The following DNAI1 variants were observed in gnomAD, a reference collection of about 807,000 sequenced individuals.
DNAI1 encodes dynein axonemal intermediate chain 1, also known as dynein, axonemal, intermediate polypeptide 1.
In DNAI1, 67 loss-of-function variants were observed where a neutral mutation model predicts 92.0. That is an observed-to-expected ratio of 0.73 (90% CI 0.60 to 0.89). The LOEUF (loss-of-function observed/expected upper bound fraction) is 0.89. DNAI1 is among the 40% of genes least tolerant of loss of function. The pLI is 0.00. For missense variants in DNAI1, 839 were observed against 866.6 expected (o/e 0.97, Z 0.40); for synonymous variants, 323 against 319.6 (o/e 1.01, Z -0.11).
At chr9:34,493,445 A>G in intron 9 of DNAI1, 117 bp downstream of exon 9, 1 of 1,384,916 alleles carries the variant, frequency 7.2e-7, no homozygotes, top group Non-Finnish European at 1.0e-6. Flanking sequence ...TCAGGGACTA[A>G]TGTTGAGATA....
At chr9:34,479,832 C>A (rs1824315874) in intron 1 of DNAI1, among the ~76,000 whole-genome samples, 1 of 152,198 alleles carries the variant, frequency 6.6e-6, no homozygotes, top group African/African-American at 2.4e-5. Context: ...CTATCAGCAA[C>A]AATCCCAGCC....
intron 4 of DNAI1, chr9:34,488,468 T>C (rs1333984133): frequency 6.5e-6 from 1 of 153,050 alleles, no homozygotes; most frequent in African/African-American, 2.4e-5. Context: ...CTGGACCCCA[T>C]GAACTGGTTT....
At chr9:34,512,031 G>T (rs1186344777) in intron 13 of DNAI1, 78 bp from the exon 14 acceptor site, 2 of 1,409,738 alleles carry the variant, frequency 1.4e-6, no homozygotes, top group Non-Finnish European at 2.0e-6. Context: ...ATGGGTGCTT[G>T]GGGGAGCCCT....
At chr9:34,479,012 A>G (rs1047082248) in intron 1 of DNAI1, 2 of 152,306 alleles carry the variant, frequency 1.3e-5, no homozygotes, top group African/African-American at 2.4e-5. Context: ...GAAAAGTTAG[A>G]TAAAGGACTA....
At chr9:34,461,443 A>G (rs189878009) in intron 1 of DNAI1, among the ~76,000 whole-genome samples, 139 of 152,346 alleles carry the variant, frequency 9.1e-4, no homozygotes, top group African/African-American at 3.1e-3. Flanking sequence ...CCTGTGCCTC[A>G]TCCCACCTCC....
At position 34,506,752 on chromosome 9, in the gene DNAI1, T is replaced by G; in HGVS notation, c.1189T>G (p.Tyr397Asp). The G allele has an allele frequency of 6.2e-7, 1 of 1,614,180 alleles. No individual in the cohort carries two copies. Among genetic ancestry groups the G allele is most frequent in the South Asian group, 1.1e-5 (1 of 91,090 alleles). The change falls in exon 13 of 20, where the codon TAC (tyrosine) becomes GAC (aspartate). Residue 397 changes from tyrosine (Y) to aspartate (D), a missense_variant. Physicochemically the swap from Tyr to Asp is radical, Grantham distance 160 (BLOSUM62 -3). Coordinates refer to ENST00000242317, the MANE Select transcript of DNAI1 (RefSeq NM_012144.4). Reference protein sequence around the residue: ...MCLDIHVDHPYLVAVGHYDGN... With the variant: ...MCLDIHVDHPDLVAVGHYDGN... The stretch of plus-strand genomic sequence containing the variant: ...TCTCGACATCCACGTGGACCACCCC[T>G]ACCTGGTGGCAGTAGGCCACTATGA...
intron 1 of DNAI1, 83 bp from the exon 2 acceptor site, chr9:34,483,365 A>C: frequency 9.7e-5 from 122 of 1,255,748 alleles, no homozygotes; most frequent in Non-Finnish European, 1.3e-4. Context: ...ATCCCTGGGC[A>C]GGAGCCTCCC....
intron 19 of DNAI1, among the ~76,000 whole-genome samples, chr9:34,520,232 C>T (rs1260194799): frequency 6.6e-6 from 1 of 152,160 alleles, no homozygotes; most frequent in Non-Finnish European, 1.5e-5. Context: ...CAGCCCCTCC[C>T]TCCCCAAACA....
At chr9:34,470,954 T>A (rs527591111) in intron 1 of DNAI1, among the ~76,000 whole-genome samples, 2 of 152,258 alleles carry the variant, frequency 1.3e-5, no homozygotes, top group African/African-American at 4.8e-5. Context: ...TAGAAGTAAA[T>A]AATATCTTCA....
chr9:34,468,042 C>T (rs974504928), intron 1 of DNAI1, among the ~76,000 whole-genome samples: 2 of 152,032 alleles, frequency 1.3e-5, no homozygotes, highest in African/African-American at 4.8e-5. Context: ...TTAATGGATG[C>T]ACGGATGGAG....
At chr9:34,501,446 A>ATG (rs1359968632) in intron 12 of DNAI1, among the ~76,000 whole-genome samples, 1 of 152,262 alleles carries the variant, frequency 6.6e-6, no homozygotes, top group African/African-American at 2.4e-5. Flanking sequence ...GGACCTGCAT[A>ATG]TGCAAAGGCT....
chr9:34,459,170 C>T (rs1823889562), intron 1 of DNAI1, 117 bp downstream of exon 1: 3 of 987,168 alleles, frequency 3.0e-6, no homozygotes, highest in East Asian at 2.5e-5. Flanking sequence ...AGCCTTCTCA[C>T]CCCCGTGACC....
At chr9:34,477,120 A>G (rs535732421) in intron 1 of DNAI1, among the ~76,000 whole-genome samples, 13 of 152,084 alleles carry the variant, frequency 8.5e-5, no homozygotes, top group East Asian at 5.8e-4. Context: ...AGGTCAAGCA[A>G]TCCTCTTACC....
At chr9:34,496,049 C>T (rs1473641695) in intron 9 of DNAI1, among the ~76,000 whole-genome samples, 3 of 152,184 alleles carry the variant, frequency 2.0e-5, no homozygotes, top group Non-Finnish European at 4.4e-5. Context: ...ACACCATCAC[C>T]ACCGGGAACT....
chr9:34,508,281 GA>G (rs1295207483), intron 13 of DNAI1, among the ~76,000 whole-genome samples: 2 of 152,190 alleles, frequency 1.3e-5, no homozygotes, highest in Non-Finnish European at 2.9e-5. Context: ...GCAGAGGGAG[GA>G]CTGCCCAGGC....
intron 13 of DNAI1, among the ~76,000 whole-genome samples, chr9:34,507,869 A>G (rs1277243039): frequency 6.6e-6 from 1 of 152,162 alleles, no homozygotes; most frequent in African/African-American, 2.4e-5. Flanking sequence ...GCCTCTGCAG[A>G]AGTCTGACAC....
At chr9:34,473,670 T>C (rs1824182346) in intron 1 of DNAI1, among the ~76,000 whole-genome samples, 1 of 152,204 alleles carries the variant, frequency 6.6e-6, no homozygotes, top group Non-Finnish European at 1.5e-5. Flanking sequence ...CTATTAGCAA[T>C]TTTCAAGAAT....
At chr9:34,471,611 A>C (rs1824135858) in intron 1 of DNAI1, among the ~76,000 whole-genome samples, 1 of 152,168 alleles carries the variant, frequency 6.6e-6, no homozygotes, top group African/African-American at 2.4e-5. Context: ...CTACTAAAAA[A>C]TACAAAAAAT....
Position 34,520,817 on chromosome 9 carries a change from G to T in DNAI1, c.*61G>T. 6.6e-7 allele frequency: 1 copy of T among 1,510,542 alleles called. No homozygotes were observed. The highest frequency in any genetic ancestry group is 9.0e-7 in the Non-Finnish European group (1 of 1,110,076). The allele number at this position is 1,510,542 out of a possible 1,614,324, so 93.6% of individuals were successfully genotyped here. On this transcript the variant is annotated 3_prime_UTR_variant, in exon 20 of 20. Transcript: ENST00000242317. ...ACAGTACTCCTAGGGCTTGACCCTG[G>T]TACCCAGCCCAGCCTTAGCACCCAG...
Sources: gnomAD v4.1 joint callset for allele counts (sites outside exome capture counted in the v4.1 genomes callset) on GRCh38, gnomAD v4.1.1 for gene constraint, MANE v1.5 for transcripts, NCBI Gene and HGNC (gene_info 2026-07-23, HGNC 2026-07-21) for gene names.